The following MYO10 variants were observed in gnomAD, a reference collection of about 807,000 sequenced individuals.
The protein encoded by MYO10 is myosin X.
In MYO10, 133 loss-of-function variants were observed where a neutral mutation model predicts 257.3. That is an observed-to-expected ratio of 0.52 (90% CI 0.45 to 0.60). The LOEUF (loss-of-function observed/expected upper bound fraction) is 0.60. Among genes scored for constraint, MYO10 ranks in the 20% least tolerant of loss-of-function variants. The pLI, the probability that MYO10 is intolerant of heterozygous loss-of-function variation, is 0.00. For synonymous variants in MYO10, 1,104 were observed against 1,028.6 expected, an observed-to-expected ratio of 1.07 and a Z score of -1.40; for missense variants, 2,399 against 2,635.7, an observed-to-expected ratio of 0.91 and a Z score of 1.97.
intron 3 of MYO10, among the ~76,000 whole-genome samples, chr5:16,802,636 G>C (rs1318414972): frequency 7.3e-6 from 1 of 137,548 alleles, no homozygotes; most frequent in Non-Finnish European, 1.5e-5. Flanking sequence ...CAGCCTGGGG[G>C]ACAGAGCGAG....
intron 4 of MYO10, among the ~76,000 whole-genome samples, chr5:16,787,752 T>A (rs1209535539): frequency 2.6e-5 from 4 of 151,958 alleles, no homozygotes; most frequent in Non-Finnish European, 5.9e-5. Flanking sequence ...CACAAGACAG[T>A]TCCTAAGCAG....
chr5:16,757,681 C>T (rs1189396765), intron 18 of MYO10, among the ~76,000 whole-genome samples: 1 of 151,970 alleles, frequency 6.6e-6, no homozygotes, highest in East Asian at 1.9e-4. Context: ...TTTTTTTAGA[C>T]AGAGTCTAGG....
In MYO10 at chr5:16,687,467, G is replaced by A. The variant is rs141525187; in HGVS notation, c.3897-1636C>T. Among the ~76,000 whole-genome samples the A allele has an allele frequency of 1.5e-3, 229 of 151,290 alleles. 1 individual carries two copies. Among genetic ancestry groups the A allele is most frequent in the African/African-American group, 5.2e-3 (216 of 41,236 alleles). On this transcript the variant is annotated intron_variant, in intron 28 of 40. Transcript: ENST00000513610. ...ACAAAATGTGAGCGCTATCAAATAT[G>A]AAAGAGACGCTAGGGTATCCTTCTC...
intron 2 of MYO10, among the ~76,000 whole-genome samples, chr5:16,876,056 T>C (rs1744591171): frequency 1.3e-5 from 2 of 152,010 alleles, no homozygotes; most frequent in Non-Finnish European, 2.9e-5. Context: ...AAGGTTACAG[T>C]GAACCAAGAT....
At position 16,703,033 on chromosome 5, in the gene MYO10, CCT is replaced by C; in HGVS notation, c.2400_2401del (p.Gly801SerfsTer72). ...TCTGTAAACTCTCCGAGCAATCTGACCTCTGAGTTGCTTCTGGAAAACTATGG... is the reference window on the plus strand; with the variant it reads ...TCTGTAAACTCTCCGAGCAATCTGACCTGAGTTGCTTCTGGAAAACTATGG... On this transcript the variant is annotated frameshift_variant, in exon 23 of 41. Transcript: ENST00000513610. LOFTEE classifies it high-confidence loss of function. 1 of 1,553,742 alleles carries C rather than the reference CCT, an allele frequency of 6.4e-7. No individual in the cohort carries two copies. Among genetic ancestry groups the C allele is most frequent in the Non-Finnish European group, 8.7e-7 (1 of 1,147,616 alleles).
intron 1 of MYO10, among the ~76,000 whole-genome samples, chr5:16,928,717 C>T (rs992292826): frequency 1.3e-5 from 2 of 150,836 alleles, no homozygotes; most frequent in Admixed American, 1.3e-4. Flanking sequence ...TGGTGGCAGG[C>T]GCCTGTAGTC....
At chr5:16,710,125 G>A (rs541947256) in intron 21 of MYO10, among the ~76,000 whole-genome samples, 1 of 152,304 alleles carries the variant, frequency 6.6e-6, no homozygotes, top group East Asian at 1.9e-4. Flanking sequence ...CTGTGTGTAA[G>A]GGCAGAAGGA....
chr5:16,688,501 G>A (rs545710845), intron 28 of MYO10, among the ~76,000 whole-genome samples: 7 of 152,276 alleles, frequency 4.6e-5, no homozygotes, highest in African/African-American at 1.7e-4. Flanking sequence ...AGCACTTTGG[G>A]AGGCTGAGAT....
chr5:16,812,930 T>TTA (rs1742485674), intron 3 of MYO10, among the ~76,000 whole-genome samples: 1 of 120,218 alleles, frequency 8.3e-6, no homozygotes, highest in African/African-American at 3.8e-5. Flanking sequence ...GCTTTTATTT[T>TTA]TTTTTTTTTT....
At chr5:16,715,598 C>T (rs1219927052) in intron 19 of MYO10, among the ~76,000 whole-genome samples, 1 of 140,452 alleles carries the variant, frequency 7.1e-6, no homozygotes, top group Non-Finnish European at 1.6e-5. Context: ...CCTCACCCAG[C>T]CTGGGGGTTT....
Position 16,780,596 on chromosome 5 carries a change from T to C in MYO10, c.754A>G (p.Arg252Gly). The change falls in exon 8 of 41, where the codon AGG becomes GGG. Residue 252 changes from arginine to glycine, a missense_variant. Arg to Gly is a moderately radical substitution (Grantham distance 125). Coordinates refer to ENST00000513610, the MANE Select transcript of MYO10 (RefSeq NM_012334.3). ...DYLLEKNRVV[R>G]QNPGERNYHI... ...TAATTCCTTTCCCCGGGATTTTGCC[T>C]TACTACTCGGTTCTGGGAAGATAAA... is the stretch of plus-strand genomic sequence containing the variant. 6.3e-7 allele frequency: 1 copy of C among 1,577,844 alleles called. No individual in the cohort carries two copies. Among genetic ancestry groups the C allele is most frequent in the Non-Finnish European group, 8.6e-7 (1 of 1,159,788 alleles).
intron 19 of MYO10, among the ~76,000 whole-genome samples, chr5:16,747,048 A>G (rs914153581): frequency 2.6e-5 from 4 of 152,134 alleles, no homozygotes; most frequent in Non-Finnish European, 2.9e-5. Context: ...GGAGATGGGG[A>G]TATTTGTATA....
At chr5:16,794,021 A>G (rs2126680472) in intron 4 of MYO10, among the ~76,000 whole-genome samples, 1 of 152,266 alleles carries the variant, frequency 6.6e-6, no homozygotes, top group African/African-American at 2.4e-5. Flanking sequence ...TTTCTTTGTA[A>G]AAGCGAGTAC....
chr5:16,763,395 T>C, intron 14 of MYO10, 86 bp downstream of exon 14: 2 of 1,015,238 alleles, frequency 2.0e-6, no homozygotes, highest in East Asian at 2.4e-5. Flanking sequence ...ATGTGCGTGT[T>C]CGTGCACGTT....
intron 19 of MYO10, among the ~76,000 whole-genome samples, chr5:16,738,890 C>CAAA (rs36039787): frequency 6.7e-5 from 5 of 74,220 alleles, no homozygotes; most frequent in Non-Finnish European, 1.3e-4. Context: ...GACTCCATCT[C>CAAA]AAAAAAAAAA....
intron 1 of MYO10, among the ~76,000 whole-genome samples, chr5:16,903,292 C>T (rs1030616277): frequency 1.3e-5 from 2 of 152,182 alleles, no homozygotes; most frequent in African/African-American, 4.8e-5. Flanking sequence ...GTAATCCTAG[C>T]AACTCGGGAG....
At chr5:16,889,405 A>G (rs28696289) in intron 1 of MYO10, among the ~76,000 whole-genome samples, 58,737 of 150,250 alleles carry the variant, frequency 0.39, 11,706 homozygotes, top group Admixed American at 0.47. Flanking sequence ...GACTCCATCA[A>G]GAAAGACAGA....
chr5:16,755,046 TTTAA>T (rs1560967280), intron 18 of MYO10, 138 bp from the exon 19 acceptor site: 2 of 449,196 alleles, frequency 4.5e-6, no homozygotes, highest in Non-Finnish European at 7.6e-6. Flanking sequence ...GTTTTCATTT[TTTAA>T]TTGTCATTCT....
intron 1 of MYO10, among the ~76,000 whole-genome samples, chr5:16,935,346 C>G (rs1746405279): frequency 6.6e-6 from 1 of 152,194 alleles, no homozygotes; most frequent in African/African-American, 2.4e-5. Flanking sequence ...GTTTGAACCC[C>G]TGCACAGGAA....
Sources: allele counts gnomAD v4.1 joint callset (sites outside exome capture counted in the v4.1 genomes callset), GRCh38; gene constraint gnomAD v4.1.1; transcripts MANE v1.5; gene names NCBI Gene and HGNC (gene_info 2026-07-23, HGNC 2026-07-21).